The following PTPN4 variants were observed in gnomAD, a reference collection of about 807,000 sequenced individuals.
The protein encoded by PTPN4 is protein tyrosine phosphatase non-receptor type 4.
In PTPN4, 49 loss-of-function variants were observed where a neutral mutation model predicts 135.5. That is an observed-to-expected ratio of 0.36 (90% CI 0.29 to 0.46). The LOEUF (loss-of-function observed/expected upper bound fraction) is 0.46. PTPN4 is among the 20% of genes least tolerant of loss of function. The pLI is 1.00. For synonymous variants in PTPN4, 333 were observed against 369.9 expected (o/e 0.90, Z 1.14); for missense variants, 860 against 1,101.0 (o/e 0.78, Z 3.10).
At chr2:119,903,901 G>C (rs1678446311) in intron 10 of PTPN4, among the ~76,000 whole-genome samples, 1 of 152,160 alleles carries the variant, frequency 6.6e-6, no homozygotes, top group African/African-American at 2.4e-5. Flanking sequence ...AGACACCTCT[G>C]ACACTGATTA....
intron 3 of PTPN4, 81 bp downstream of exon 3, chr2:119,862,724 G>A: frequency 8.7e-7 from 1 of 1,147,552 alleles, no homozygotes; most frequent in Non-Finnish European, 1.2e-6. Flanking sequence ...GATTTACAGT[G>A]TTCACTGATT....
intron 2 of PTPN4, among the ~76,000 whole-genome samples, chr2:119,812,684 G>T (rs1271899320): frequency 6.6e-6 from 1 of 152,136 alleles, no homozygotes; most frequent in Non-Finnish European, 1.5e-5. Context: ...CCAACCTATG[G>T]AGTGTATTGT....
intron 26 of PTPN4, among the ~76,000 whole-genome samples, chr2:119,973,936 T>C (rs1489367768): frequency 3.9e-5 from 6 of 152,168 alleles, no homozygotes; most frequent in Non-Finnish European, 7.4e-5. Context: ...AATAATGATA[T>C]TCTAATTCTA....
intron 1 of PTPN4, among the ~76,000 whole-genome samples, chr2:119,775,003 C>T (rs1172816499): frequency 6.9e-5 from 10 of 145,066 alleles, no homozygotes; most frequent in East Asian, 4.1e-4. Context: ...AGCAACACAG[C>T]GAGACTGCTA....
intron 2 of PTPN4, among the ~76,000 whole-genome samples, chr2:119,812,355 A>G (rs1334566893): frequency 6.6e-6 from 1 of 152,034 alleles, no homozygotes; most frequent in Non-Finnish European, 1.5e-5. Flanking sequence ...AAGGAGAACT[A>G]CTCAGTTTCC....
At chr2:119,824,987 C>G (rs569749702) in intron 2 of PTPN4, among the ~76,000 whole-genome samples, 7 of 152,254 alleles carry the variant, frequency 4.6e-5, no homozygotes, top group Non-Finnish European at 1.0e-4. Context: ...TGTGCCTGGC[C>G]AAATATAAAC....
chr2:119,959,391 A>G (rs1338300053), intron 22 of PTPN4, among the ~76,000 whole-genome samples: 3 of 152,250 alleles, frequency 2.0e-5, no homozygotes, highest in African/African-American at 7.2e-5. Flanking sequence ...TGAAAGAGCA[A>G]AAGTTTGGTA....
chr2:119,898,675 G>T (rs555237254), intron 9 of PTPN4, among the ~76,000 whole-genome samples: 1 of 152,088 alleles, frequency 6.6e-6, no homozygotes, highest in African/African-American at 2.4e-5. Flanking sequence ...GCAAAATAAG[G>T]TATTTTAAAT....
At chr2:119,969,978 C>T (rs1679505583) in intron 26 of PTPN4, among the ~76,000 whole-genome samples, 1 of 152,172 alleles carries the variant, frequency 6.6e-6, no homozygotes, top group Admixed American at 6.5e-5. Flanking sequence ...TAAAATTCAG[C>T]CGCTTAAAGT....
intron 10 of PTPN4, among the ~76,000 whole-genome samples, chr2:119,902,253 G>A (rs1678416302): frequency 6.6e-6 from 1 of 152,134 alleles, no homozygotes; most frequent in African/African-American, 2.4e-5. Context: ...ATGTAAGCAA[G>A]AAGAAACTGG....
intron 10 of PTPN4, among the ~76,000 whole-genome samples, chr2:119,912,984 G>C (rs937373378): frequency 6.6e-6 from 1 of 152,076 alleles, no homozygotes; most frequent in Admixed American, 6.6e-5. Flanking sequence ...ATGAGATCAT[G>C]TACTGTGTGG....
At chr2:119,772,467 T>C (rs1400174007) in intron 1 of PTPN4, among the ~76,000 whole-genome samples, 1 of 152,254 alleles carries the variant, frequency 6.6e-6, no homozygotes, top group Non-Finnish European at 1.5e-5. Context: ...TGACTTATAC[T>C]GAGGTGAGAC....
chr2:119,952,290 C>G (rs1679221821), intron 19 of PTPN4, among the ~76,000 whole-genome samples, 161 bp downstream of exon 19: 1 of 150,470 alleles, frequency 6.6e-6, no homozygotes, highest in South Asian at 2.2e-4. Flanking sequence ...AAGTTCTTTG[C>G]CCCCCCACCC....
At chr2:119,961,675 T>C (rs1322698582) in intron 23 of PTPN4, among the ~76,000 whole-genome samples, 1 of 152,218 alleles carries the variant, frequency 6.6e-6, no homozygotes, top group East Asian at 1.9e-4. Context: ...TAAAATGTGG[T>C]ATAGTCTTAT....
intron 10 of PTPN4, among the ~76,000 whole-genome samples, chr2:119,911,230 A>G (rs72838984): frequency 0.021 from 3,158 of 152,230 alleles, 60 homozygotes; most frequent in Non-Finnish European, 0.033. Flanking sequence ...TTACTCATGA[A>G]CATAGATGCA....
intron 26 of PTPN4, among the ~76,000 whole-genome samples, chr2:119,976,357 A>G (rs1679618789): frequency 6.6e-6 from 1 of 152,090 alleles, no homozygotes; most frequent in African/African-American, 2.4e-5. Context: ...ACATACATCA[A>G]GATAGATACT....
intron 1 of PTPN4, among the ~76,000 whole-genome samples, chr2:119,796,999 C>T (rs1333717508): frequency 6.6e-6 from 1 of 151,976 alleles, no homozygotes; most frequent in Non-Finnish European, 1.5e-5. Context: ...TATTTGCCAT[C>T]CATATATCTT....
chr2:119,858,685 G>C (rs1351157057), intron 2 of PTPN4, among the ~76,000 whole-genome samples: 2 of 151,514 alleles, frequency 1.3e-5, no homozygotes, highest in East Asian at 3.9e-4. Context: ...GTCTCGCTCT[G>C]TTGCCCAGGC....
intron 12 of PTPN4, among the ~76,000 whole-genome samples, chr2:119,925,401 T>G (rs763147343): frequency 6.6e-6 from 1 of 152,216 alleles, no homozygotes; most frequent in Non-Finnish European, 1.5e-5. Context: ...TTGTGTATAT[T>G]TATAGTTTTA....
Sources: allele counts gnomAD v4.1 joint callset (sites outside exome capture counted in the v4.1 genomes callset), GRCh38; gene constraint gnomAD v4.1.1; transcripts MANE v1.5; gene names NCBI Gene and HGNC (gene_info 2026-07-23, HGNC 2026-07-21).